MTA3: variants seen among roughly 807,000 people sequenced by gnomAD.
MTA3 encodes metastasis associated 1 family member 3, also known as metastasis-associated protein MTA3.
Under a neutral mutation model 83.5 loss-of-function variants are expected in MTA3, and 34 were observed. The ratio of observed to expected loss-of-function variants is 0.41; its 90% CI spans 0.31 to 0.54. The LOEUF (loss-of-function observed/expected upper bound fraction) is 0.54, where lower values mean the gene tolerates loss of function less well. MTA3 is among the 20% of genes least tolerant of loss of function. MTA3 has a pLI of 0.33. For synonymous variants in MTA3, 303 were observed against 252.7 expected, an observed-to-expected ratio of 1.20 and a Z score of -1.89; for missense variants, 761 against 726.4, an observed-to-expected ratio of 1.05 and a Z score of -0.55.
At chr2:42,545,778 A>AT (rs1200408899) in intron 2 of MTA3, among the ~76,000 whole-genome samples, 1 of 152,160 alleles carries the variant, frequency 6.6e-6, no homozygotes, top group Non-Finnish European at 1.5e-5. Flanking sequence ...ACATACATGG[A>AT]TGGACATTGA....
At chr2:42,673,624 C>G (rs6544585) in intron 8 of MTA3, among the ~76,000 whole-genome samples, 1 of 151,892 alleles carries the variant, frequency 6.6e-6, no homozygotes, top group Non-Finnish European at 1.5e-5. Flanking sequence ...ATTAGGGATT[C>G]CCCTTGGGAT....
At chr2:42,588,931 G>C (rs1489322893) in intron 3 of MTA3, among the ~76,000 whole-genome samples, 1 of 152,032 alleles carries the variant, frequency 6.6e-6, no homozygotes, top group African/African-American at 2.4e-5. Flanking sequence ...CCACAGGGAG[G>C]CTGTCTGTTA....
chr2:42,692,806 T>G (rs1449751416), intron 9 of MTA3, among the ~76,000 whole-genome samples: 2 of 152,192 alleles, frequency 1.3e-5, no homozygotes, highest in Non-Finnish European at 2.9e-5. Context: ...ACTTACTTTG[T>G]TTGGTGAGGT....
intron 4 of MTA3, among the ~76,000 whole-genome samples, chr2:42,635,460 TTTACTA>T (rs1687094190): frequency 1.3e-5 from 2 of 152,086 alleles, no homozygotes; most frequent in Admixed American, 1.3e-4. Context: ...AAACCCCGTC[TTTACTA>T]AAAATACAAA....
chr2:42,538,415 G>A (rs1676352842), intron 2 of MTA3, among the ~76,000 whole-genome samples: 1 of 151,304 alleles, frequency 6.6e-6, no homozygotes, highest in African/African-American at 2.4e-5. Context: ...GCAAAAATAT[G>A]ATAAATGTTA....
chr2:42,722,522 C>T (rs1412740519), intron 15 of MTA3, among the ~76,000 whole-genome samples: 2 of 152,178 alleles, frequency 1.3e-5, no homozygotes, highest in East Asian at 3.9e-4. Context: ...TTTTACCCCC[C>T]TCACCCCAAG....
At chr2:42,683,526 A>G (rs1276458329) in intron 9 of MTA3, among the ~76,000 whole-genome samples, 2 of 152,280 alleles carry the variant, frequency 1.3e-5, no homozygotes, top group South Asian at 4.1e-4. Flanking sequence ...CTTCATTTCT[A>G]TTATGATTAC....
intron 8 of MTA3, among the ~76,000 whole-genome samples, chr2:42,663,641 T>C (rs546531869): frequency 7.2e-5 from 11 of 152,236 alleles, no homozygotes; most frequent in Admixed American, 7.2e-4. Flanking sequence ...GGTGAGTGCT[T>C]GTAGTTCCAA....
Position 42,694,368 on chromosome 2 carries a change from A to C in MTA3, c.892-1397A>C, listed in dbSNP as rs117557440. ...CCTTGTGTACCTAGGCTGTCTTCTA[A>C]GTTTACGTAGGTCCTCAGAGCACTT... is the stretch of plus-strand genomic sequence containing the variant. On this transcript the variant is annotated intron_variant, in intron 9 of 16. Transcript: ENST00000405094. Among the ~76,000 whole-genome samples, 15 of 152,182 alleles carry C rather than the reference A, an allele frequency of 9.9e-5. No individual in the cohort carries two copies. In the East Asian group the frequency reaches 2.7e-3, roughly 27 times the overall value.
At chr2:42,576,264 A>G (rs953856053) in intron 2 of MTA3, among the ~76,000 whole-genome samples, 2 of 152,206 alleles carry the variant, frequency 1.3e-5, no homozygotes, top group African/African-American at 4.8e-5. Context: ...TAAGAAGGCA[A>G]GAACCTTGAC....
In MTA3 at chr2:42,514,152, G is replaced by C. The variant is rs575552079; in HGVS notation, c.-141+18898G>C. Among the ~76,000 whole-genome samples, 40 of 152,220 alleles carry C rather than the reference G, an allele frequency of 2.6e-4. No individual in the cohort carries two copies. The East Asian group carries it at 7.1e-3, about 27-fold the overall frequency. On this transcript the variant is annotated intron_variant, in intron 2 of 17. Coordinates refer to the MTA3 transcript ENST00000405592. The stretch of plus-strand genomic sequence containing the variant: ...CACTTGAACCTGGGAGGCAGAAGTT[G>C]GAGTGAGTCGAGATCGCGCCACTGC...
At chr2:42,690,009 G>A (rs917061925) in intron 9 of MTA3, among the ~76,000 whole-genome samples, 7 of 151,662 alleles carry the variant, frequency 4.6e-5, no homozygotes, top group Non-Finnish European at 1.0e-4. Context: ...TACAGATGTG[G>A]TAACACACCC....
At chr2:42,497,163 G>A (rs1674172843) in intron 2 of MTA3, among the ~76,000 whole-genome samples, 1 of 150,514 alleles carries the variant, frequency 6.6e-6, no homozygotes, top group East Asian at 2.0e-4. Context: ...CTGAGATTGT[G>A]CCATTGGACT....
Position 42,514,682 on chromosome 2 carries a change from C to CTTTTTTTTTT in MTA3, c.-141+19444_-141+19453dup, listed in dbSNP as rs767598363. ...GATTACAGGCATGAGCGCCCAGCCCCTTTTTTTTTTTTTTTTTTTTTTTTT... is the reference window on the plus strand; with the variant it reads ...GATTACAGGCATGAGCGCCCAGCCCCTTTTTTTTTTTTTTTTTTTTTTTTTTTTTTTTTTT... On this transcript the variant is annotated intron_variant, in intron 2 of 17. Coordinates refer to the MTA3 transcript ENST00000405592. Among the ~76,000 whole-genome samples the CTTTTTTTTTT allele has an allele frequency of 2.6e-4, 14 of 53,486 alleles. 3 individuals are homozygous for CTTTTTTTTTT. Among genetic ancestry groups the CTTTTTTTTTT allele is most frequent in the African/African-American group, 8.5e-4 (10 of 11,832 alleles). The allele number at this position is 53,486 out of a possible 152,430, so 35.1% of individuals were successfully genotyped here.
chr2:42,672,290 A>G (rs993896608), intron 8 of MTA3, among the ~76,000 whole-genome samples: 1 of 151,552 alleles, frequency 6.6e-6, no homozygotes. Context: ...TAAAAGCTTG[A>G]GACCAGGAGT....
intron 16 of MTA3, among the ~76,000 whole-genome samples, chr2:42,746,957 G>C (rs1447218969): frequency 6.6e-6 from 1 of 151,928 alleles, no homozygotes; most frequent in Non-Finnish European, 1.5e-5. Flanking sequence ...AATATGAATA[G>C]ACTGAGGGGG....
intron 16 of MTA3, 143 bp from the exon 17 acceptor site, chr2:42,753,231 G>C: frequency 6.9e-7 from 1 of 1,450,788 alleles, no homozygotes; most frequent in South Asian, 1.4e-5. Flanking sequence ...ACCTGGCCTA[G>C]TCATGAGATT....
chr2:42,548,903 G>A (rs773989392), intron 2 of MTA3, among the ~76,000 whole-genome samples: 1 of 86,546 alleles, frequency 1.2e-5, no homozygotes, highest in Non-Finnish European at 2.2e-5. Flanking sequence ...CAGCGGGCAC[G>A]GTGGCTCACG....
intron 3 of MTA3, among the ~76,000 whole-genome samples, chr2:42,582,774 A>G (rs1291597313): frequency 1.3e-5 from 2 of 152,182 alleles, no homozygotes; most frequent in Non-Finnish European, 2.9e-5. Flanking sequence ...TAGAAAATTA[A>G]TTTATTCATA....
Sources: allele counts gnomAD v4.1 joint callset (sites outside exome capture counted in the v4.1 genomes callset), GRCh38; gene constraint gnomAD v4.1.1; transcripts MANE v1.5; gene names NCBI Gene and HGNC (gene_info 2026-07-23, HGNC 2026-07-21).